Variants in MYO1B observed in about 807,000 individuals in gnomAD.
The protein encoded by MYO1B is myosin IB.
In MYO1B, 72 loss-of-function variants were observed where a neutral mutation model predicts 159.7. The observed-to-expected ratio is 0.45, with a 90% CI of 0.37 to 0.55. The LOEUF is 0.55. MYO1B is among the 20% of genes least tolerant of loss of function. The probability of loss-of-function intolerance (pLI) is 0.00; values close to 1 mark genes in which losing one functional copy is unlikely to be tolerated. For missense variants in MYO1B, 1,062 were observed against 1,364.8 expected, an observed-to-expected ratio of 0.78 and a Z score of 3.50; for synonymous variants, 468 against 473.8, an observed-to-expected ratio of 0.99 and a Z score of 0.16.
intron 23 of MYO1B, 75 bp from the exon 24 acceptor site, chr2:191,402,557 T>C (rs546340670): frequency 8.0e-7 from 1 of 1,242,902 alleles, no homozygotes; most frequent in African/African-American, 1.5e-5. Flanking sequence ...TTCTGTTTGG[T>C]GGGATATCTT....
rs575300978 is a variant in MYO1B, at chr2:191,299,410, C to T, written c.251+3184C>T. ...TTCCCTCCCATCTTGCTTGTTCTGT[C>T]AGTCCTCACCCCACCCTCACCACAT... On this transcript the variant is annotated intron_variant, in intron 3 of 30. Coordinates refer to ENST00000392318, the MANE Select transcript of MYO1B (RefSeq NM_001130158.3). Among the ~76,000 whole-genome samples the T allele has an allele frequency of 1.8e-4, 28 of 152,246 alleles. 2 individuals carry two copies. In the South Asian group the frequency reaches 5.4e-3, roughly 29 times the overall value.
At chr2:191,259,075 T>C (rs893412352) in intron 1 of MYO1B, among the ~76,000 whole-genome samples, 3 of 152,252 alleles carry the variant, frequency 2.0e-5, no homozygotes, top group Non-Finnish European at 2.9e-5. Flanking sequence ...CTTCCAGCTT[T>C]ACCGTTTGCT....
intron 7 of MYO1B, among the ~76,000 whole-genome samples, chr2:191,357,212 G>A (rs1278787332): frequency 1.3e-5 from 2 of 152,120 alleles, no homozygotes; most frequent in Non-Finnish European, 2.9e-5. Flanking sequence ...TCATCCTCCA[G>A]TAGGTGCAGC....
At chr2:191,302,979 A>G (rs1272098046) in intron 3 of MYO1B, among the ~76,000 whole-genome samples, 1 of 152,166 alleles carries the variant, frequency 6.6e-6, no homozygotes, top group Non-Finnish European at 1.5e-5. Context: ...ACCGTTGCCC[A>G]TGAGTGATGT....
At chr2:191,402,559 G>T in intron 23 of MYO1B, 73 bp from the exon 24 acceptor site, 1 of 1,261,470 alleles carries the variant, frequency 7.9e-7, no homozygotes. Context: ...CTGTTTGGTG[G>T]GATATCTTTT....
chr2:191,275,421 G>T (rs949255450), intron 1 of MYO1B, among the ~76,000 whole-genome samples: 10 of 152,004 alleles, frequency 6.6e-5, no homozygotes, highest in African/African-American at 2.4e-4. Context: ...ATGTTTGTGG[G>T]TTCATATAAA....
intron 11 of MYO1B, among the ~76,000 whole-genome samples, chr2:191,368,609 C>T (rs751710623): frequency 1.3e-5 from 2 of 152,066 alleles, no homozygotes; most frequent in African/African-American, 4.8e-5. Flanking sequence ...TAGATAAGCA[C>T]GTAAGAAGGG....
intron 1 of MYO1B, among the ~76,000 whole-genome samples, chr2:191,254,338 G>A (rs1457477928): frequency 6.6e-6 from 1 of 151,866 alleles, no homozygotes; most frequent in African/African-American, 2.4e-5. Flanking sequence ...TCAGCCTCCC[G>A]AGTAGCTGGG....
chr2:191,360,748 G>GTTGTGTTGT lies in MYO1B; in HGVS notation c.661+20_661+21insTGTGTTGTT, dbSNP rs1693608562. ...CTCCTCAGTAAGTCTCTGTTTCTAT[G>GTTGTGTTGT]TGGTGTTGTTGTTGTTGTTGTTGTT... On this transcript the variant is annotated intron_variant, in intron 8 of 30. Transcript: ENST00000392318. 1.8e-6 allele frequency: 2 copies of GTTGTGTTGT among 1,122,282 alleles called. No individual in the cohort carries two copies. The highest frequency in any genetic ancestry group is 2.2e-5 in the Admixed American group (1 of 44,786). 69.5% of individuals were successfully genotyped at this position (1,122,282 alleles called of 1,614,324 possible). A position where few individuals can be genotyped will look rare whatever the true frequency, so the allele number is the denominator to read the frequency against.
intron 1 of MYO1B, among the ~76,000 whole-genome samples, chr2:191,250,473 A>G (rs1183767527): frequency 2.0e-5 from 3 of 152,214 alleles, no homozygotes; most frequent in Admixed American, 1.3e-4. Flanking sequence ...ACCTGCCAGC[A>G]TCCCTTCCTC....
intron 9 of MYO1B, among the ~76,000 whole-genome samples, chr2:191,363,339 A>G (rs934345819): frequency 6.6e-6 from 1 of 152,070 alleles, no homozygotes; most frequent in Non-Finnish European, 1.5e-5. Flanking sequence ...TTTGCAAACC[A>G]CAGTTTTTCT....
At chr2:191,352,470 A>C (rs1692990207) in intron 7 of MYO1B, among the ~76,000 whole-genome samples, 1 of 152,242 alleles carries the variant, frequency 6.6e-6, no homozygotes, top group Non-Finnish European at 1.5e-5. Flanking sequence ...TATAAGGATT[A>C]GAAAATAACT....
intron 4 of MYO1B, among the ~76,000 whole-genome samples, chr2:191,334,277 G>T (rs1039563343): frequency 2.0e-5 from 3 of 152,124 alleles, no homozygotes; most frequent in Admixed American, 2.0e-4. Flanking sequence ...AGCTATGTCA[G>T]TATGTGACAT....
At chr2:191,342,692 C>A (rs1246461027) in intron 5 of MYO1B, among the ~76,000 whole-genome samples, 1 of 151,984 alleles carries the variant, frequency 6.6e-6, no homozygotes, top group Non-Finnish European at 1.5e-5. Context: ...ACTAAAAATA[C>A]AAAAATTAGC....
At chr2:191,392,014 A>T (rs1424903724) in intron 18 of MYO1B, 94 bp from the exon 19 acceptor site, 7 of 752,876 alleles carry the variant, frequency 9.3e-6, no homozygotes, top group Admixed American at 2.6e-5. Context: ...AAATGAAGCT[A>T]TGTTTTATAC....
intron 3 of MYO1B, among the ~76,000 whole-genome samples, chr2:191,329,605 CATATAAATTTT>C (rs1334515151): frequency 1.4e-5 from 2 of 146,136 alleles, no homozygotes; most frequent in Non-Finnish European, 3.0e-5. Flanking sequence ...TAAATAATTT[CATATAAATTTT>C]ATATAAATTT....
intron 24 of MYO1B, among the ~76,000 whole-genome samples, chr2:191,406,029 G>A (rs181815948): frequency 9.2e-5 from 14 of 152,346 alleles, no homozygotes; most frequent in Admixed American, 9.1e-4. Context: ...CTGTTGTCGA[G>A]TGTAGCCACA....
At chr2:191,362,195 T>C (rs1559201229) in intron 8 of MYO1B, 73 bp from the exon 9 acceptor site, 1 of 1,152,782 alleles carries the variant, frequency 8.7e-7, no homozygotes, top group Admixed American at 1.8e-5. Flanking sequence ...GTGAACAAGA[T>C]ATCAAAGGGA....
intron 4 of MYO1B, among the ~76,000 whole-genome samples, chr2:191,331,599 T>C (rs909856221): frequency 6.6e-6 from 1 of 152,236 alleles, no homozygotes; most frequent in African/African-American, 2.4e-5. Flanking sequence ...TTTATACACA[T>C]TGATTTAATT....
Sources: gnomAD v4.1 joint callset for allele counts (sites outside exome capture counted in the v4.1 genomes callset) on GRCh38, gnomAD v4.1.1 for gene constraint, MANE v1.5 for transcripts, NCBI Gene and HGNC (gene_info 2026-07-23, HGNC 2026-07-21) for gene names.